AGO2: variants seen among roughly 807,000 people sequenced by gnomAD.
The protein encoded by AGO2 is argonaute RISC catalytic component 2.
In AGO2, 5 loss-of-function variants were observed where a neutral mutation model predicts 102.3. The observed-to-expected ratio is 0.05, with a 90% confidence interval of 0.03 to 0.10. The LOEUF is 0.10. Ranked by LOEUF, AGO2 falls within the 10% of genes least tolerant of loss-of-function variation. The probability of loss-of-function intolerance (pLI) is 1.00; values close to 1 mark genes in which losing one functional copy is unlikely to be tolerated. For synonymous variants in AGO2, 449 were observed against 473.1 expected, an observed-to-expected ratio of 0.95 and a Z score of 0.66; for missense variants, 541 against 1,183.7, an observed-to-expected ratio of 0.46 and a Z score of 7.97.
At chr8:140,624,352 C>T (rs559529215) in intron 1 of AGO2, among the ~76,000 whole-genome samples, 40 of 152,234 alleles carry the variant, frequency 2.6e-4, no homozygotes, top group Non-Finnish European at 4.4e-4. Context: ...CCACACTGCA[C>T]GCACCTCAGG....
rs893049756 is a variant in AGO2 at position 140,524,057 on chromosome 8, G to T, written c.*7987C>A. The stretch of plus-strand genomic sequence containing the variant: ...TGCCTGTTAGGTTAAGTCAAAACTG[G>T]TGTCCTATGTGCACAGCTCAAGGTG... On this transcript the variant is annotated 3_prime_UTR_variant, in exon 19 of 19. Coordinates refer to ENST00000220592, the MANE Select transcript of AGO2 (RefSeq NM_012154.5). The T allele has an allele frequency of 2.0e-5, 3 of 152,206 alleles. No homozygotes were observed. Among genetic ancestry groups the T allele is most frequent in the Non-Finnish European group, 4.4e-5 (3 of 68,056 alleles). The allele number at this position is 152,206 out of a possible 1,614,324, so 9.4% of individuals were successfully genotyped here. A position where few individuals can be genotyped will look rare whatever the true frequency, so the allele number is the denominator to read the frequency against.
intron 2 of AGO2, among the ~76,000 whole-genome samples, chr8:140,578,266 G>A (rs1425413776): frequency 6.6e-6 from 1 of 152,214 alleles, no homozygotes; most frequent in Non-Finnish European, 1.5e-5. Context: ...GTATTTGGCA[G>A]TTAATTTTCT....
intron 10 of AGO2, 74 bp from the exon 11 acceptor site, chr8:140,551,510 T>C: frequency 7.3e-7 from 1 of 1,375,160 alleles, no homozygotes; most frequent in Non-Finnish European, 9.5e-7. Context: ...TTTGTCACTC[T>C]CACTGTTGGT....
Position 140,542,863 on chromosome 8 carries a change from G to T in AGO2, c.1839+1350C>A, listed in dbSNP as rs1033860224. ...GCTGAAAATGGCTCAGCATGGCCAG[G>T]TGCAGTGGCTCACGCCTGTCATCCC... On this transcript the variant is annotated intron_variant, in intron 14 of 18. Coordinates refer to ENST00000220592, the MANE Select transcript of AGO2 (RefSeq NM_012154.5). Among the ~76,000 whole-genome samples the T allele has an allele frequency of 7.9e-5, 12 of 152,352 alleles. No homozygotes were observed. In the East Asian group the frequency reaches 2.3e-3, roughly 29 times the overall value.
intron 3 of AGO2, among the ~76,000 whole-genome samples, chr8:140,564,324 C>T (rs1165523032): frequency 6.7e-6 from 1 of 149,100 alleles, no homozygotes; most frequent in Non-Finnish European, 1.5e-5. Context: ...AAGGCTTCGC[C>T]CATGGGGGAT....
chr8:140,575,224 C>T (rs1049685856), intron 2 of AGO2, among the ~76,000 whole-genome samples: 23 of 151,604 alleles, frequency 1.5e-4, no homozygotes, highest in East Asian at 1.2e-3. Context: ...CTGGCAGCCA[C>T]GGCACAATCT....
At chr8:140,606,167 C>T (rs2073995616) in intron 1 of AGO2, among the ~76,000 whole-genome samples, 1 of 152,168 alleles carries the variant, frequency 6.6e-6, no homozygotes. Flanking sequence ...GAAGTATATC[C>T]TTCCAGGGCA....
intron 1 of AGO2, among the ~76,000 whole-genome samples, chr8:140,622,282 AATAATGCACATGGGGTCTCCTCTTGGGGG>A (rs1278662107): frequency 1.3e-4 from 14 of 110,028 alleles, no homozygotes; most frequent in Admixed American, 2.9e-4. Context: ...CTCTTGGGGG[AATAATGCACATGGGGTCTCCTCTTGGGGG>A]AATAATGCAC....
chr8:140,571,865 C>T (rs1008137712), intron 3 of AGO2, among the ~76,000 whole-genome samples: 2 of 152,198 alleles, frequency 1.3e-5, no homozygotes, highest in African/African-American at 4.8e-5. Flanking sequence ...CCTGCCTTAG[C>T]TTCCCAAGTA....
At position 140,523,055 on chromosome 8, in the gene AGO2, A is replaced by T. The variant is rs1297718828; in HGVS notation, c.*8989T>A. 6.6e-6 allele frequency: 1 copy of T among 152,218 alleles called. No individual in the cohort carries two copies. The highest frequency in any genetic ancestry group is 1.5e-5 in the Non-Finnish European group (1 of 68,042). The allele number at this position is 152,218 out of a possible 1,614,324, so 9.4% of individuals were successfully genotyped here. On this transcript the variant is annotated 3_prime_UTR_variant, in exon 19 of 19. Coordinates refer to ENST00000220592, the MANE Select transcript of AGO2 (RefSeq NM_012154.5). ...TTTACAATTCATGTAGCAAATGGAA[A>T]ATCATACAGAGAGGCCAATGTATAT... is the stretch of plus-strand genomic sequence containing the variant.
intron 5 of AGO2, 88 bp from the exon 6 acceptor site, chr8:140,559,617 G>GCCAGC: frequency 1.3e-6 from 2 of 1,542,234 alleles, no homozygotes; most frequent in Non-Finnish European, 1.8e-6. Flanking sequence ...CATAGGCCAG[G>GCCAGC]CCAGCCATGG....
chr8:140,549,454 C>T (rs2072958013), intron 11 of AGO2, among the ~76,000 whole-genome samples, 156 bp from the exon 12 acceptor site: 3 of 152,248 alleles, frequency 2.0e-5, no homozygotes, highest in Admixed American at 6.5e-5. Context: ...GGCCAGAATT[C>T]AGAGCTACAT....
chr8:140,623,738 G>C (rs2074243184), intron 1 of AGO2, among the ~76,000 whole-genome samples: 1 of 152,094 alleles, frequency 6.6e-6, no homozygotes, highest in African/African-American at 2.4e-5. Context: ...CCAGGCCACA[G>C]ACGTCATCTC....
chr8:140,548,807 G>T (rs569689155), intron 12 of AGO2, among the ~76,000 whole-genome samples: 1 of 152,136 alleles, frequency 6.6e-6, no homozygotes, highest in African/African-American at 2.4e-5. Context: ...TTAAACAAAC[G>T]TTCCCCCATC....
intron 17 of AGO2, 110 bp from the exon 18 acceptor site, chr8:140,532,725 G>A (rs888434863): frequency 1.9e-5 from 23 of 1,215,828 alleles, no homozygotes; most frequent in South Asian, 1.3e-4. Context: ...GTCTGGACAC[G>A]GAGGCTCACG....
chr8:140,565,042 G>A (rs1261625484), intron 3 of AGO2, among the ~76,000 whole-genome samples: 1 of 152,178 alleles, frequency 6.6e-6, no homozygotes, highest in Non-Finnish European at 1.5e-5. Context: ...GCTGGGGCAG[G>A]AGAATCGCTT....
intron 3 of AGO2, among the ~76,000 whole-genome samples, chr8:140,570,826 G>C (rs2073367126): frequency 6.6e-6 from 1 of 152,164 alleles, no homozygotes; most frequent in South Asian, 2.1e-4. Flanking sequence ...CAGAGTTTGT[G>C]CACAGTTAAT....
At chr8:140,624,061 G>A (rs543975192) in intron 1 of AGO2, among the ~76,000 whole-genome samples, 106 of 152,218 alleles carry the variant, frequency 7.0e-4, no homozygotes, top group African/African-American at 2.3e-3. Flanking sequence ...GAAGGTGCAG[G>A]GCGAGCGCGA....
In AGO2 at chr8:140,551,423, G is replaced by A. The variant is rs764026573; in HGVS notation, c.1283C>T (p.Ala428Val). The change falls in exon 11 of 19, where the codon GCG becomes GTG. Residue 428 changes from alanine to valine, a missense_variant. Ala to Val is a moderately conservative substitution (Grantham distance 64). Transcript: ENST00000220592. ...ILYGGRNKAIATPVQGVWDMR... is the reference protein window; with the variant it reads ...ILYGGRNKAIVTPVQGVWDMR... ...GTCCCAGACGCCCTGGACAGGGGTC[G>A]CAATAGCTTTATTCTGCAAATGGCA... 4 of 1,569,008 alleles carry A rather than the reference G, an allele frequency of 2.5e-6. No homozygotes were observed. The highest frequency in any genetic ancestry group is 2.6e-6 in the Non-Finnish European group (3 of 1,152,074).
Sources: allele counts gnomAD v4.1 joint callset (sites outside exome capture counted in the v4.1 genomes callset), GRCh38; gene constraint gnomAD v4.1.1; transcripts MANE v1.5; gene names NCBI Gene and HGNC (gene_info 2026-07-23, HGNC 2026-07-21).